Variants in RNF43 observed in about 807,000 individuals in gnomAD.
RNF43 encodes the protein E3 ubiquitin-protein ligase RNF43.
A neutral mutation model predicts 78.4 loss-of-function variants in RNF43; 37 were observed. That is an observed-to-expected ratio of 0.47 (90% CI 0.36 to 0.62). The LOEUF (loss-of-function observed/expected upper bound fraction) is 0.62, where lower values mean the gene tolerates loss of function less well. RNF43 is among the 20% of genes least tolerant of loss of function. The pLI, the probability that RNF43 is intolerant of heterozygous loss-of-function variation, is 0.00. For synonymous variants in RNF43, 347 were observed against 395.0 expected, an observed-to-expected ratio of 0.88 and a Z score of 1.44; for missense variants, 774 against 1,007.9, an observed-to-expected ratio of 0.77 and a Z score of 3.14.
intron 2 of RNF43, chr17:58,402,622 A>G (rs1386081162): frequency 6.6e-6 from 1 of 152,216 alleles, no homozygotes; most frequent in East Asian, 1.9e-4. Context: ...AAAATATTCA[A>G]TGAATCATTG....
chr17:58,410,870 A>T (rs1311274857), intron 2 of RNF43, among the ~76,000 whole-genome samples: 1 of 152,196 alleles, frequency 6.6e-6, no homozygotes, highest in Non-Finnish European at 1.5e-5. Context: ...CATCACTTTC[A>T]TTCCTTTCTA....
Position 58,360,021 on chromosome 17 carries a change from C to A in RNF43, c.952+128G>T. 1.4e-6 allele frequency: 1 copy of A among 692,682 alleles called. No individual in the cohort carries two copies. The highest frequency in any genetic ancestry group is 2.6e-6 in the Non-Finnish European group (1 of 377,728). The allele number at this position is 692,682 out of a possible 1,614,324, so 42.9% of individuals were successfully genotyped here. Reference sequence around the variant, plus strand: ...GAGTGAGGCACTCTGGAGCAGTGTACAGCCCATACAACTATGGTGGCAGTT... The same window carrying A: ...GAGTGAGGCACTCTGGAGCAGTGTAAAGCCCATACAACTATGGTGGCAGTT... On this transcript the variant is annotated intron_variant, in intron 8 of 9. Transcript: ENST00000407977. This position sits in a 1 kb window ranked among gnomAD's most constrained non-coding sequence, Gnocchi z 4.3.
chr17:58,357,157 G>A lies in RNF43; in HGVS notation c.2308+311C>T. On this transcript the variant is annotated intron_variant, in intron 9 of 9. Transcript: ENST00000407977. The surrounding 1 kb of genome is among the most constrained non-coding windows in gnomAD (Gnocchi z 4.5). ...GATCCACCCACCTAGGCCTCCCAAA[G>A]TTCTGGGATTACAGGCATGAGCCAT... 1.4e-6 allele frequency: 1 copy of A among 697,438 alleles called. No individual in the cohort carries two copies. The highest frequency in any genetic ancestry group is 2.6e-6 in the Non-Finnish European group (1 of 382,174). 43.2% of individuals were successfully genotyped at this position (697,438 alleles called of 1,614,324 possible).
At position 58,354,818 on chromosome 17, in the gene RNF43, A is replaced by G; in HGVS notation, c.*125T>C. On this transcript the variant is annotated 3_prime_UTR_variant, in exon 10 of 10. Coordinates refer to ENST00000407977, the MANE Select transcript of RNF43 (RefSeq NM_017763.6). Reference sequence around the variant, plus strand: ...TCACCAGTCCTCTTCCAGTGCTTCTAGGAAGTACGGCAAAAAGAATGGTGT... The same window carrying G: ...TCACCAGTCCTCTTCCAGTGCTTCTGGGAAGTACGGCAAAAAGAATGGTGT... 1.1e-6 allele frequency: 1 copy of G among 879,140 alleles called. No homozygotes were observed. The highest frequency in any genetic ancestry group is 1.9e-6 in the Non-Finnish European group (1 of 527,606). 54.5% of individuals were successfully genotyped at this position (879,140 alleles called of 1,614,324 possible).
chr17:58,376,931 T>C (rs1567883482), intron 2 of RNF43, among the ~76,000 whole-genome samples: 1 of 152,206 alleles, frequency 6.6e-6, no homozygotes, highest in Non-Finnish European at 1.5e-5. Context: ...TCATTCTGAC[T>C]CAGAATTCAG....
chr17:58,397,827 T>C (rs1973716685), intron 2 of RNF43, among the ~76,000 whole-genome samples: 1 of 152,212 alleles, frequency 6.6e-6, no homozygotes, highest in Non-Finnish European at 1.5e-5. Flanking sequence ...CTGCTTGCTA[T>C]TGCCACAAAT....
chr17:58,394,283 G>A (rs1030295256), intron 2 of RNF43, among the ~76,000 whole-genome samples: 3 of 152,162 alleles, frequency 2.0e-5, no homozygotes, highest in Admixed American at 1.3e-4. Flanking sequence ...ATCCATTGAC[G>A]GTGAATTTTA....
chr17:58,397,458 C>G (rs964067882), intron 2 of RNF43, among the ~76,000 whole-genome samples: 9 of 151,988 alleles, frequency 5.9e-5, no homozygotes, highest in Non-Finnish European at 1.2e-4. Flanking sequence ...GTCAGGAGTT[C>G]CAGACCAGCC....
intron 3 of RNF43, among the ~76,000 whole-genome samples, chr17:58,368,574 A>G (rs1164836210): frequency 6.6e-6 from 1 of 150,712 alleles, no homozygotes; most frequent in African/African-American, 2.4e-5. Flanking sequence ...TTAGCTGGGT[A>G]TGGTGGCACA....
At position 58,412,268 on chromosome 17, in the gene RNF43, C is replaced by G. The variant is rs141716137; in HGVS notation, c.252+3058G>C. Among the ~76,000 whole-genome samples, 997 of 151,972 alleles carry G rather than the reference C, an allele frequency of 6.6e-3. 12 individuals carry two copies. The highest frequency in any genetic ancestry group is 0.023 in the African/African-American group (939 of 41,462). ...ACCTGCAAAAAGAGTTGGAATGATA[C>G]AGTAATATAAAGAAGCAACTCTTGG... On this transcript the variant is annotated intron_variant, in intron 2 of 9. Transcript: ENST00000407977.
intron 2 of RNF43, among the ~76,000 whole-genome samples, chr17:58,394,491 T>A (rs1973631345): frequency 6.6e-6 from 1 of 152,230 alleles, no homozygotes; most frequent in African/African-American, 2.4e-5. Context: ...AGAAATCAAG[T>A]AAAGTAAGAA....
rs2143414181 is a variant in RNF43 at position 58,358,397 on chromosome 17, T to C, written c.1379A>G (p.Asp460Gly). ...TGAGCTGGAGTCACTGGCTGGCCCA[T>C]CTGCCAGGTACCCACTGCGTTCTGT... ...YCTERSGYLADGPASDSSSGP... is the reference protein window; with the variant it reads ...YCTERSGYLAGGPASDSSSGP... Residue 460 changes from aspartate (D) to glycine (G), a missense_variant, in exon 9 of 10, where the codon GAT becomes GGT. Transcript: ENST00000407977. This position sits in a 1 kb window ranked among gnomAD's most constrained non-coding sequence, Gnocchi z 6.2. 2 of 1,614,112 alleles carry C rather than the reference T, an allele frequency of 1.2e-6. No individual in the cohort carries two copies. Among genetic ancestry groups the C allele is most frequent in the Middle Eastern group, 1.6e-4 (1 of 6,062 alleles).
chr17:58,359,607 A>AAATAAT (rs376555627), intron 8 of RNF43, among the ~76,000 whole-genome samples: 25 of 149,010 alleles, frequency 1.7e-4, no homozygotes, highest in South Asian at 6.4e-4. Flanking sequence ...CCAACTCAAA[A>AAATAAT]AATAATAATA....
Position 58,354,992 on chromosome 17 carries a change from T to A in RNF43, c.2309-6A>T. On this transcript the variant is annotated splice_polypyrimidine_tract_variant and splice_region_variant and intron_variant, in intron 9 of 9. Transcript: ENST00000407977. ...CTCGAGTTCCTCCTCTGAGCCTGTATTTAGAGAGCGGGGAGGAAAGAGGTC... is the reference window on the plus strand; with the variant it reads ...CTCGAGTTCCTCCTCTGAGCCTGTAATTAGAGAGCGGGGAGGAAAGAGGTC... 1 of 1,613,676 alleles carries A rather than the reference T, an allele frequency of 6.2e-7. No individual in the cohort carries two copies.
Position 58,353,854 on chromosome 17 carries a change from C to T in RNF43, c.*1089G>A, listed in dbSNP as rs1316830424. 1 of 191,406 alleles carries T rather than the reference C, an allele frequency of 5.2e-6. No homozygotes were observed. Among genetic ancestry groups the T allele is most frequent in the Non-Finnish European group, 1.1e-5 (1 of 91,106 alleles). 11.9% of individuals were successfully genotyped at this position (191,406 alleles called of 1,614,324 possible). On this transcript the variant is annotated 3_prime_UTR_variant, in exon 10 of 10. Transcript: ENST00000407977. The stretch of plus-strand genomic sequence containing the variant: ...CCCACTTTGCCACCACATTCACATT[C>T]CAAATGGGATAATGCCTGAGGGGCC...
rs1055693903 is a variant in RNF43 at position 58,374,198 on chromosome 17, A to G, written c.253-3165T>C. Reference sequence around the variant, plus strand: ...AGTAAGTGGTAGAGATTAGAAAAAAAAAGGAAAGTAGTAGTAGGATAAGGT... The same window carrying G: ...AGTAAGTGGTAGAGATTAGAAAAAAGAAGGAAAGTAGTAGTAGGATAAGGT... On this transcript the variant is annotated intron_variant, in intron 2 of 9. Coordinates refer to ENST00000407977, the MANE Select transcript of RNF43 (RefSeq NM_017763.6). 5.3e-5 allele frequency among the ~76,000 whole-genome samples: 8 copies of G among 151,948 alleles called. 1 individual carries two copies. The highest frequency in any genetic ancestry group is 1.2e-4 in the Non-Finnish European group (8 of 67,994).
intron 2 of RNF43, among the ~76,000 whole-genome samples, chr17:58,405,050 G>A (rs1973875417): frequency 2.1e-5 from 3 of 145,076 alleles, no homozygotes; most frequent in Non-Finnish European, 3.0e-5. Flanking sequence ...TAGAAGGTAT[G>A]ACTGGGTTGT....
intron 6 of RNF43, among the ~76,000 whole-genome samples, chr17:58,362,021 G>C (rs1225006897): frequency 7.2e-5 from 11 of 151,930 alleles, no homozygotes; most frequent in Admixed American, 6.6e-4. Context: ...AGGAGGCAGA[G>C]ATTGCAGTGA....
At position 58,363,497 on chromosome 17, in the gene RNF43, A is replaced by G. The variant is rs375704415; in HGVS notation, c.450+29T>C. The G allele has an allele frequency of 4.3e-6, 7 of 1,610,624 alleles. No individual in the cohort carries two copies. In the South Asian group the frequency reaches 6.6e-5, roughly 15 times the overall value. On this transcript the variant is annotated intron_variant, in intron 4 of 9. Coordinates refer to ENST00000407977, the MANE Select transcript of RNF43 (RefSeq NM_017763.6). ...CTTTATCTTCCTCCATCCAGCCCCC[A>G]CCTTGAACACGCAAATGTCCCTGGG...
Sources: gnomAD v4.1 joint callset for allele counts (sites outside exome capture counted in the v4.1 genomes callset) on GRCh38, gnomAD v4.1.1 for gene constraint, Gnocchi (gnomAD v3.1) non-coding constraint, MANE v1.5 for transcripts, NCBI Gene and HGNC (gene_info 2026-07-23, HGNC 2026-07-21) for gene names.